VDAC1: variants seen among roughly 807,000 people sequenced by gnomAD.
The protein encoded by VDAC1 is non-selective voltage-gated ion channel VDAC1.
VDAC1 carries 10 observed loss-of-function variants against 34.7 expected under a neutral mutation model. The ratio of observed to expected loss-of-function variants is 0.29; its 90% CI spans 0.18 to 0.49. The LOEUF is 0.49. Ranked by LOEUF, VDAC1 falls within the 20% of genes least tolerant of loss-of-function variation. The pLI is 0.99. For synonymous variants in VDAC1, 130 were observed against 136.0 expected, an observed-to-expected ratio of 0.96 and a Z score of 0.30; for missense variants, 230 against 347.9, an observed-to-expected ratio of 0.66 and a Z score of 2.69.
At chr5:134,037,103 A>C in the VDAC1 span, among the ~76,000 whole-genome samples, 5 of 152,368 alleles carry the variant, frequency 3.3e-5, no homozygotes, top group Admixed American at 1.3e-4. Flanking sequence ...CAGAGGAACA[A>C]CCACAGCACA....
chr5:134,105,182 C>T, the VDAC1 span, among the ~76,000 whole-genome samples: 3 of 152,242 alleles, frequency 2.0e-5, no homozygotes, highest in East Asian at 3.8e-4. Flanking sequence ...GCCCCAGGCT[C>T]TGTCCCCCTG....
chr5:133,977,721 C>A (rs1030685452), intron 6 of VDAC1, among the ~76,000 whole-genome samples: 5 of 152,182 alleles, frequency 3.3e-5, no homozygotes, highest in Non-Finnish European at 7.3e-5. Flanking sequence ...CAGAAGCAAC[C>A]TTCTCCATGG....
At chr5:133,991,450 G>A (rs940274176) in intron 3 of VDAC1, among the ~76,000 whole-genome samples, 2 of 152,186 alleles carry the variant, frequency 1.3e-5, no homozygotes, top group East Asian at 3.8e-4. Context: ...GCAGTACAGA[G>A]AAAAAGCACT....
rs549256318 is a variant in VDAC1 at position 133,989,954 on chromosome 5, G to A, written c.323+901C>T. Among the ~76,000 whole-genome samples, 14 of 152,292 alleles carry A rather than the reference G, an allele frequency of 9.2e-5. No homozygotes were observed. In the East Asian group the frequency reaches 2.3e-3, roughly 25 times the overall value. The stretch of plus-strand genomic sequence containing the variant: ...TGGGATTACAGGCGTGAGCCACCAC[G>A]CCCGGCCCACAATTTTTAAAAACTG... On this transcript the variant is annotated intron_variant, in intron 5 of 8. Coordinates refer to ENST00000265333, the MANE Select transcript of VDAC1 (RefSeq NM_003374.3).
the VDAC1 span, among the ~76,000 whole-genome samples, chr5:134,010,274 C>T: frequency 1.3e-5 from 2 of 152,176 alleles, no homozygotes; most frequent in African/African-American, 4.8e-5. Flanking sequence ...TTGAATCACT[C>T]ACAACCTTGA....
In VDAC1 at chr5:133,972,780, A is replaced by C; in HGVS notation, c.843T>G (p.Phe281Leu). The C allele has an allele frequency of 6.3e-7, 1 of 1,599,604 alleles. No individual in the cohort carries two copies. Among genetic ancestry groups the C allele is most frequent in the Non-Finnish European group, 8.6e-7 (1 of 1,167,224 alleles). The change falls in exon 9 of 9, where the codon TTT becomes TTG. Residue 281 changes from phenylalanine (F) to leucine (L), a missense_variant. Coordinates refer to ENST00000265333, the MANE Select transcript of VDAC1 (RefSeq NM_003374.3). ...ATTGTACAGTATTCATTTATGCTTG[A>C]AATTCCAGTCCTAGACCAAGCTTGT... ...GGHKLGLGLE[F>L]QA
the VDAC1 span, among the ~76,000 whole-genome samples, chr5:134,061,123 C>T: frequency 1.3e-5 from 2 of 150,604 alleles, no homozygotes; most frequent in Non-Finnish European, 3.0e-5. Flanking sequence ...CCTCGGCCTC[C>T]CAAAGTGCTG....
At chr5:134,012,068 AAAG>A in the VDAC1 span, among the ~76,000 whole-genome samples, 3 of 152,144 alleles carry the variant, frequency 2.0e-5, no homozygotes, top group African/African-American at 4.8e-5. Flanking sequence ...AGAAAGAAAA[AAAG>A]AAGAAAGAAA....
chr5:134,033,159 T>A, the VDAC1 span, among the ~76,000 whole-genome samples: 1 of 146,458 alleles, frequency 6.8e-6, no homozygotes, highest in Admixed American at 6.8e-5. Flanking sequence ...AACTAATTTT[T>A]TTTTTTTTTT....
the VDAC1 span, among the ~76,000 whole-genome samples, chr5:134,033,570 C>A: frequency 6.6e-6 from 1 of 151,264 alleles, no homozygotes; most frequent in African/African-American, 2.4e-5. Context: ...GGGAGCTCCA[C>A]TTTTGTATTT....
chr5:134,010,415 T>C, the VDAC1 span, among the ~76,000 whole-genome samples: 2 of 151,968 alleles, frequency 1.3e-5, no homozygotes, highest in Non-Finnish European at 2.9e-5. Context: ...CTGGTCAACA[T>C]GATGAAACCC....
the VDAC1 span, among the ~76,000 whole-genome samples, chr5:134,033,398 C>T: frequency 2.3e-4 from 35 of 151,522 alleles, no homozygotes; most frequent in African/African-American, 7.2e-4. Context: ...CCTCGTGATC[C>T]GCCCGCCTCG....
chr5:134,032,076 T>C, the VDAC1 span, among the ~76,000 whole-genome samples: 24 of 138,178 alleles, frequency 1.7e-4, no homozygotes, highest in East Asian at 4.1e-3. Context: ...TGAGCCAAGA[T>C]TGTGCCACTG....
At chr5:134,012,185 A>G in the VDAC1 span, among the ~76,000 whole-genome samples, 7 of 152,198 alleles carry the variant, frequency 4.6e-5, no homozygotes, top group African/African-American at 1.7e-4. Flanking sequence ...ACAAGGAAAC[A>G]GATTCTCCTC....
the VDAC1 span, among the ~76,000 whole-genome samples, chr5:134,108,713 G>A: frequency 6.6e-6 from 1 of 152,128 alleles, no homozygotes; most frequent in Non-Finnish European, 1.5e-5. Context: ...GTCCTAGGTG[G>A]CAGGGGTTGG....
At chr5:134,094,809 T>C in the VDAC1 span, among the ~76,000 whole-genome samples, 5 of 151,728 alleles carry the variant, frequency 3.3e-5, no homozygotes, top group Non-Finnish European at 5.9e-5. Flanking sequence ...GGAGCTGCCC[T>C]GGGCCCCACA....
chr5:133,986,224 T>C (rs980676228), intron 5 of VDAC1, among the ~76,000 whole-genome samples: 1 of 152,172 alleles, frequency 6.6e-6, no homozygotes, highest in African/African-American at 2.4e-5. Context: ...TTGAGGTCTG[T>C]GGCCTCATCC....
chr5:134,112,006 A>T, the VDAC1 span, among the ~76,000 whole-genome samples: 1 of 152,200 alleles, frequency 6.6e-6, no homozygotes, highest in Non-Finnish European at 1.5e-5. Flanking sequence ...TGCCTGGCAC[A>T]TAGTAATCAC....
the VDAC1 span, among the ~76,000 whole-genome samples, chr5:134,068,478 A>T: frequency 6.6e-6 from 1 of 150,544 alleles, no homozygotes. Context: ...ATTTTAGTTT[A>T]GAATTTGGGG....
Sources: gnomAD v4.1 joint callset for allele counts (sites outside exome capture counted in the v4.1 genomes callset) on GRCh38, gnomAD v4.1.1 for gene constraint, MANE v1.5 for transcripts, NCBI Gene and HGNC (gene_info 2026-07-23, HGNC 2026-07-21) for gene names.